DGKI: variants seen among roughly 807,000 people sequenced by gnomAD.
The protein encoded by DGKI is DAG kinase iota.
Under a neutral mutation model 147.5 loss-of-function variants are expected in DGKI, and 55 were observed. The observed-to-expected ratio is 0.37, with a 90% CI of 0.30 to 0.47. The LOEUF is 0.47. Among genes scored for constraint, DGKI ranks in the 20% least tolerant of loss-of-function variants. The pLI, the probability that DGKI is intolerant of heterozygous loss-of-function variation, is 1.00. For missense variants in DGKI, 1,007 were observed against 1,323.8 expected, an observed-to-expected ratio of 0.76 and a Z score of 3.71; for synonymous variants, 469 against 477.1, an observed-to-expected ratio of 0.98 and a Z score of 0.22.
chr7:137,527,115 T>C (rs1247519653), intron 20 of DGKI, among the ~76,000 whole-genome samples: 2 of 152,204 alleles, frequency 1.3e-5, no homozygotes, highest in African/African-American at 2.4e-5. Flanking sequence ...ACGCTAAAGT[T>C]ACCTTCTTTA....
In DGKI at chr7:137,709,491, G is replaced by T. The variant is rs117124835; in HGVS notation, c.402-19489C>A. On this transcript the variant is annotated intron_variant, in intron 1 of 32. Coordinates refer to ENST00000614521, the MANE Select transcript of DGKI (RefSeq NM_001321708.2). ...TCTTGAATACTGGCACTAAGTGATG[G>T]AAGGAAAAACATCTTTCCAACATAT... Among the ~76,000 whole-genome samples, 665 of 152,296 alleles carry T rather than the reference G, an allele frequency of 4.4e-3. 3 individuals are homozygous for T. Among genetic ancestry groups the T allele is most frequent in the Non-Finnish European group, 7.4e-3 (501 of 68,014 alleles).
At chr7:137,450,882 G>A (rs1030664251) in intron 27 of DGKI, among the ~76,000 whole-genome samples, 4 of 151,428 alleles carry the variant, frequency 2.6e-5, no homozygotes, top group Non-Finnish European at 5.9e-5. Flanking sequence ...TATTAACCCT[G>A]CTTATGAGAA....
intron 5 of DGKI, among the ~76,000 whole-genome samples, chr7:137,648,223 A>G (rs879359939): frequency 4.6e-5 from 7 of 152,232 alleles, no homozygotes; most frequent in Non-Finnish European, 8.8e-5. Flanking sequence ...GTCAGAAAAA[A>G]ATCTGTAATT....
In DGKI at chr7:137,385,265, ATAAC is replaced by A. The variant is rs1811149864; in HGVS notation, c.*5951_*5954del. The A allele has an allele frequency of 6.6e-6, 1 of 152,090 alleles. No individual in the cohort carries two copies. Among genetic ancestry groups the A allele is most frequent in the Admixed American group, 6.6e-5 (1 of 15,222 alleles). The allele number at this position is 152,090 out of a possible 1,614,324, so 9.4% of individuals were successfully genotyped here. The stretch of plus-strand genomic sequence containing the variant: ...TGCTTAGTTTAAAATTTTTTAAATG[ATAAC>A]TAACGGCCATTCCCCTAGATATTTT... On this transcript the variant is annotated 3_prime_UTR_variant, in exon 33 of 33. Transcript: ENST00000614521.
chr7:137,677,084 A>G (rs920888803), intron 3 of DGKI, among the ~76,000 whole-genome samples: 6 of 152,222 alleles, frequency 3.9e-5, no homozygotes, highest in African/African-American at 1.4e-4. Flanking sequence ...TATTTACAGC[A>G]TTTTAGTCCA....
chr7:137,766,774 G>A (rs1022348469), intron 1 of DGKI, among the ~76,000 whole-genome samples: 6 of 152,170 alleles, frequency 3.9e-5, no homozygotes, highest in African/African-American at 9.7e-5. Flanking sequence ...GTAAACGTGA[G>A]TCTGAAAAGA....
At chr7:137,547,439 T>G (rs200250920) in intron 20 of DGKI, among the ~76,000 whole-genome samples, 1 of 152,222 alleles carries the variant, frequency 6.6e-6, no homozygotes, top group East Asian at 1.9e-4. Flanking sequence ...CTATTTCTCA[T>G]GGAAATTCCT....
chr7:137,391,342 C>T lies in DGKI; in HGVS notation c.3058-6G>A, dbSNP rs373137702. The T allele has an allele frequency of 5.6e-5, 83 of 1,485,062 alleles. No individual in the cohort carries two copies. The highest frequency in any genetic ancestry group is 1.2e-4 in the Admixed American group (5 of 41,860). The allele number at this position is 1,485,062 out of a possible 1,614,324, so 92.0% of individuals were successfully genotyped here. On this transcript the variant is annotated splice_polypyrimidine_tract_variant and splice_region_variant and intron_variant, in intron 32 of 32. Transcript: ENST00000614521. ...CTTTCTTGAGGTGTCTTACCCTATA[C>T]GAAAATAGTGAGAAAAAAAAAAAGA...
At chr7:137,399,308 G>C (rs1318063376) in intron 30 of DGKI, among the ~76,000 whole-genome samples, 3 of 151,694 alleles carry the variant, frequency 2.0e-5, no homozygotes, top group Non-Finnish European at 4.4e-5. Flanking sequence ...GTTATTTTTT[G>C]TATCCTTCTA....
intron 1 of DGKI, among the ~76,000 whole-genome samples, chr7:137,790,521 C>T (rs1796819333): frequency 6.6e-6 from 1 of 152,216 alleles, no homozygotes; most frequent in African/African-American, 2.4e-5. Flanking sequence ...AGCTCAGATG[C>T]CTGGCATGGG....
chr7:137,529,796 C>T (rs1481630222), intron 20 of DGKI, among the ~76,000 whole-genome samples: 1 of 152,184 alleles, frequency 6.6e-6, no homozygotes, highest in Non-Finnish European at 1.5e-5. Context: ...CCCACCCAGG[C>T]TGGAGTGCAA....
intron 31 of DGKI, 73 bp from the exon 32 acceptor site, chr7:137,395,770 A>C: frequency 1.4e-6 from 2 of 1,400,648 alleles, no homozygotes; most frequent in Non-Finnish European, 2.0e-6. Context: ...AGGGGAGCTG[A>C]TGTAGGGTGC....
intron 12 of DGKI, among the ~76,000 whole-genome samples, chr7:137,588,474 G>GTTTTTTTTTTTT (rs1563099937): frequency 7.7e-6 from 1 of 129,226 alleles, no homozygotes; most frequent in African/African-American, 3.7e-5. Flanking sequence ...ACATACCGAT[G>GTTTTTTTTTTTT]CTTTTTTTTT....
chr7:137,495,938 T>C (rs1467379459), intron 21 of DGKI, among the ~76,000 whole-genome samples: 2 of 152,082 alleles, frequency 1.3e-5, no homozygotes, highest in African/African-American at 2.4e-5. Flanking sequence ...CTATTCAACA[T>C]AGTACTGGAA....
intron 1 of DGKI, among the ~76,000 whole-genome samples, chr7:137,803,224 G>A (rs1226119724): frequency 2.0e-5 from 3 of 152,154 alleles, no homozygotes; most frequent in African/African-American, 4.8e-5. Context: ...AGGACACAGT[G>A]AGGAGACCAG....
intron 3 of DGKI, among the ~76,000 whole-genome samples, chr7:137,661,080 G>A (rs1436098793): frequency 1.3e-5 from 2 of 152,152 alleles, no homozygotes; most frequent in African/African-American, 4.8e-5. Context: ...GAGGCACACG[G>A]CAAGCTTTAT....
chr7:137,682,792 AT>A (rs1282784320), intron 2 of DGKI, among the ~76,000 whole-genome samples: 2 of 152,048 alleles, frequency 1.3e-5, no homozygotes, highest in Non-Finnish European at 2.9e-5. Flanking sequence ...TTCCTCCATG[AT>A]TTTTTGTCTT....
intron 1 of DGKI, among the ~76,000 whole-genome samples, chr7:137,758,313 C>T (rs370583363): frequency 5.3e-5 from 8 of 152,128 alleles, no homozygotes; most frequent in Admixed American, 3.9e-4. Flanking sequence ...CTGTAGGCAA[C>T]GAAGTAGTAG....
At chr7:137,491,850 G>T (rs911332734) in intron 21 of DGKI, among the ~76,000 whole-genome samples, 1 of 152,206 alleles carries the variant, frequency 6.6e-6, no homozygotes, top group African/African-American at 2.4e-5. Context: ...ACTCCTGTGA[G>T]ACTAGACCAG....
Sources: gnomAD v4.1 joint callset for allele counts (sites outside exome capture counted in the v4.1 genomes callset) on GRCh38, gnomAD v4.1.1 for gene constraint, MANE v1.5 for transcripts, NCBI Gene and HGNC (gene_info 2026-07-23, HGNC 2026-07-21) for gene names.